Variants in AKAP6 observed in about 807,000 individuals in gnomAD.
The protein encoded by AKAP6 is A-kinase anchoring protein 6.
AKAP6 carries 58 observed loss-of-function variants against 188.5 expected under a neutral mutation model. The observed-to-expected ratio is 0.31, with a 90% confidence interval of 0.25 to 0.38. The LOEUF (loss-of-function observed/expected upper bound fraction) is 0.38, where lower values mean the gene tolerates loss of function less well. Ranked by LOEUF, AKAP6 falls within the 10% of genes least tolerant of loss-of-function variation. AKAP6 has a pLI of 1.00. For missense variants in AKAP6, 2,710 were observed against 2,740.0 expected (o/e 0.99, Z 0.24); for synonymous variants, 989 against 998.6 (o/e 0.99, Z 0.18).
At chr14:32,817,451 C>CTG (rs5807685) in intron 12 of AKAP6, among the ~76,000 whole-genome samples, 2,604 of 144,596 alleles carry the variant, frequency 0.018, 75 homozygotes, top group African/African-American at 0.057. Flanking sequence ...ATCTGTATAG[C>CTG]TGTGTGTGTG....
chr14:32,665,620 G>C (rs1157558140), intron 7 of AKAP6, among the ~76,000 whole-genome samples: 2 of 152,066 alleles, frequency 1.3e-5, no homozygotes, highest in Non-Finnish European at 2.9e-5. Context: ...CCACAGTATA[G>C]GGTGGGACCC....
chr14:32,818,282 T>G (rs2034437161), intron 12 of AKAP6, among the ~76,000 whole-genome samples: 2 of 152,166 alleles, frequency 1.3e-5, no homozygotes, highest in Admixed American at 1.3e-4. Flanking sequence ...AATCTTTTCC[T>G]ATGGAAATTT....
intron 7 of AKAP6, among the ~76,000 whole-genome samples, chr14:32,636,776 A>G (rs1887511013): frequency 6.6e-6 from 1 of 152,172 alleles, no homozygotes; most frequent in Non-Finnish European, 1.5e-5. Flanking sequence ...AGTAAGTGGC[A>G]TAAGATGAGG....
At position 32,537,855 on chromosome 14, in the gene AKAP6, C is replaced by T. The variant is rs569747176; in HGVS notation, c.576+2050C>T. Among the ~76,000 whole-genome samples the T allele has an allele frequency of 1.2e-4, 19 of 152,260 alleles. No homozygotes were observed. In the South Asian group the frequency reaches 3.9e-3, roughly 32 times the overall value. On this transcript the variant is annotated intron_variant, in intron 3 of 13. Coordinates refer to ENST00000280979, the MANE Select transcript of AKAP6 (RefSeq NM_004274.5). ...AGTAGCTCAATAAATGATGAAGAGC[C>T]ATGGACGGTAATTGTTGCTGGCCAC...
At chr14:32,741,995 T>C (rs904258579) in intron 11 of AKAP6, among the ~76,000 whole-genome samples, 2 of 151,878 alleles carry the variant, frequency 1.3e-5, no homozygotes, top group African/African-American at 4.8e-5. Flanking sequence ...AGTGAAGCCA[T>C]CGGGTCCCTG....
At chr14:32,782,693 T>C (rs1423898333) in intron 12 of AKAP6, among the ~76,000 whole-genome samples, 1 of 152,118 alleles carries the variant, frequency 6.6e-6, no homozygotes, top group African/African-American at 2.4e-5. Flanking sequence ...TATCTAACAA[T>C]AGATATGGAA....
chr14:32,525,328 C>A (rs536498896), intron 2 of AKAP6, among the ~76,000 whole-genome samples: 2 of 152,244 alleles, frequency 1.3e-5, no homozygotes, highest in Admixed American at 6.5e-5. Flanking sequence ...TAAATGAATC[C>A]TCTGAAGCTT....
intron 2 of AKAP6, among the ~76,000 whole-genome samples, chr14:32,483,742 C>T (rs1209432518): frequency 6.6e-6 from 1 of 152,012 alleles, no homozygotes; most frequent in Non-Finnish European, 1.5e-5. Flanking sequence ...CCTCAGCCTC[C>T]CAAAGTTCTG....
At chr14:32,829,619 A>T (rs866985885) in intron 13 of AKAP6, among the ~76,000 whole-genome samples, 1,908 of 147,344 alleles carry the variant, frequency 0.013, 40 homozygotes, top group African/African-American at 0.046. Flanking sequence ...CGTCTTTTTA[A>T]AAAAAAAAAA....
rs371577987 is a variant in AKAP6, at chr14:32,823,815, C to T, written c.6002C>T (p.Ala2001Val). The change falls in exon 13 of 14, where the codon GCA (alanine) becomes GTA (valine). Residue 2001 changes from alanine to valine, a missense_variant. Ala to Val is a moderately conservative substitution (Grantham distance 64, BLOSUM62 0). This residue lies in a region of AKAP6 where 2,473 missense variants were observed against 2,426.1 expected (regional missense o/e 1.02). Transcript: ENST00000280979. ...TRFNNRQDSD[A>V]LKSSDDAPSM... ...TTTAACAACAGACAAGACTCTGATG[C>T]ACTGAAATCATCTGATGATGCACCG... 5.0e-6 allele frequency: 8 copies of T among 1,613,564 alleles called. No homozygotes were observed. The highest frequency in any genetic ancestry group is 1.1e-5 in the South Asian group (1 of 91,082).
At chr14:32,787,919 T>C (rs1040070630) in intron 12 of AKAP6, among the ~76,000 whole-genome samples, 3 of 151,742 alleles carry the variant, frequency 2.0e-5, no homozygotes, top group African/African-American at 7.3e-5. Flanking sequence ...AACAAATGTG[T>C]CATTCCAAAT....
At chr14:32,781,701 A>T (rs7144699) in intron 12 of AKAP6, among the ~76,000 whole-genome samples, 25,233 of 152,176 alleles carry the variant, frequency 0.17, 2,377 homozygotes, top group East Asian at 0.27. Flanking sequence ...AATAGAAACT[A>T]CATCATGATA....
chr14:32,479,169 A>G (rs1455029103), intron 2 of AKAP6, among the ~76,000 whole-genome samples: 2 of 152,186 alleles, frequency 1.3e-5, no homozygotes, highest in African/African-American at 4.8e-5. Flanking sequence ...TTCCTTGATT[A>G]CATGACTGAT....
Position 32,582,722 on chromosome 14 carries a change from G to A in AKAP6, c.2469+5480G>A, listed in dbSNP as rs1341425147. On this transcript the variant is annotated intron_variant, in intron 5 of 13. Transcript: ENST00000280979. ...CTTTTTTCTCTAAACTTCCCTTCTCGCTTCATTTCATTCATTTCATCTTCC... is the reference window on the plus strand; with the variant it reads ...CTTTTTTCTCTAAACTTCCCTTCTCACTTCATTTCATTCATTTCATCTTCC... 2.2e-4 allele frequency among the ~76,000 whole-genome samples: 33 copies of A among 150,846 alleles called. No individual in the cohort carries two copies. In the East Asian group the frequency reaches 3.5e-3, roughly 16 times the overall value.
intron 7 of AKAP6, among the ~76,000 whole-genome samples, chr14:32,624,584 A>G (rs1326144369): frequency 6.6e-6 from 1 of 152,152 alleles, no homozygotes; most frequent in East Asian, 1.9e-4. Flanking sequence ...AGAGCATTTT[A>G]TATATTACAG....
intron 12 of AKAP6, among the ~76,000 whole-genome samples, chr14:32,779,613 A>G (rs2033179497): frequency 6.6e-6 from 1 of 152,144 alleles, no homozygotes. Context: ...CCAATTAATC[A>G]AGAAGACAAC....
At chr14:32,387,672 C>T (rs1888577267) in intron 1 of AKAP6, among the ~76,000 whole-genome samples, 1 of 151,392 alleles carries the variant, frequency 6.6e-6, no homozygotes, top group South Asian at 2.1e-4. Flanking sequence ...TTAAACCATC[C>T]CTGCATCCCT....
chr14:32,489,461 A>C (rs1181241321), intron 2 of AKAP6, among the ~76,000 whole-genome samples: 3 of 152,132 alleles, frequency 2.0e-5, no homozygotes, highest in Non-Finnish European at 4.4e-5. Flanking sequence ...TCTTCCAATC[A>C]GTCTCTCAAA....
intron 7 of AKAP6, among the ~76,000 whole-genome samples, chr14:32,641,145 A>G (rs1887736517): frequency 6.6e-6 from 1 of 152,130 alleles, no homozygotes; most frequent in Admixed American, 6.6e-5. Context: ...TGGGACTGAT[A>G]AAAACATGCC....
Sources: gnomAD v4.1 joint callset for allele counts (sites outside exome capture counted in the v4.1 genomes callset) on GRCh38, gnomAD v4.1.1 for gene constraint, gnomAD v4.1.1 regional missense constraint, MANE v1.5 for transcripts, NCBI Gene and HGNC (gene_info 2026-07-23, HGNC 2026-07-21) for gene names.